Variants in DHX32 observed in about 807,000 individuals in gnomAD.
DHX32 encodes DEAH-box helicase 32 (putative).
Under a neutral mutation model 70.0 loss-of-function variants are expected in DHX32, and 51 were observed. The ratio of observed to expected loss-of-function variants is 0.73; its 90% CI spans 0.58 to 0.92. The LOEUF (loss-of-function observed/expected upper bound fraction) is 0.92, where lower values mean the gene tolerates loss of function less well. Among genes scored for constraint, DHX32 ranks in the 40% least tolerant of loss-of-function variants. The pLI, the probability that DHX32 is intolerant of heterozygous loss-of-function variation, is 0.00. For synonymous variants in DHX32, 310 were observed against 315.3 expected (o/e 0.98, Z 0.18); for missense variants, 762 against 891.8 (o/e 0.85, Z 1.85).
At chr10:125,867,205 C>A in intron 1 of DHX32, 22 bp from the exon 2 acceptor site, 1 of 1,574,174 alleles carries the variant, frequency 6.4e-7, no homozygotes, top group Non-Finnish European at 8.6e-7. Context: ...AAAAATGAGA[C>A]AGGATCAGCT....
rs1354791640 is a variant in DHX32, at chr10:125,836,386, T to G, written c.*301A>C. The G allele has an allele frequency of 9.0e-6, 14 of 1,551,642 alleles. 1 individual carries two copies. Among genetic ancestry groups the G allele is most frequent in the Middle Eastern group, 4.3e-4 (2 of 4,602 alleles). On this transcript the variant is annotated 3_prime_UTR_variant, in exon 11 of 11. Transcript: ENST00000284690. ...TCAGATTAAGTTCCTCTACAAAAAG[T>G]AGGGTTCTGTCCCATGTGTCTCTGA...
In DHX32 at chr10:125,867,193, G is replaced by C. The variant is rs527994014; in HGVS notation, c.283-10C>G. ...CACACCACTGAGGAACCTGTAGCAG[G>C]AAAAAATGAGACAGGATCAGCTTCT... On this transcript the variant is annotated splice_polypyrimidine_tract_variant and intron_variant, in intron 1 of 10. Coordinates refer to ENST00000284690, the MANE Select transcript of DHX32 (RefSeq NM_018180.3). The C allele has an allele frequency of 1.8e-5, 29 of 1,579,506 alleles. No individual in the cohort carries two copies. In the South Asian group the frequency reaches 2.3e-4, roughly 13 times the overall value.
rs1424461821 is a variant in DHX32, at chr10:125,859,755, G to C, written c.697C>G (p.Pro233Ala). Residue 233 changes from proline (P) to alanine (A), a missense_variant, in exon 3 of 11, where the codon CCT becomes GCT. Around this residue, in one of 3 missense-constraint regions of DHX32, gnomAD observed 394 missense variants for 473.1 expected, o/e 0.83. Coordinates refer to ENST00000284690, the MANE Select transcript of DHX32 (RefSeq NM_018180.3). ...SKLNSYYGNVPVIEVKNKHPV... is the reference protein window; with the variant it reads ...SKLNSYYGNVAVIEVKNKHPV... Reference sequence around the variant, plus strand: ...TGTTTATTTTTCACTTCTATGACAGGCACGTTTCCATAATAAGAATTGAGT... The same window carrying C: ...TGTTTATTTTTCACTTCTATGACAGCCACGTTTCCATAATAAGAATTGAGT... The C allele has an allele frequency of 6.2e-7, 1 of 1,614,084 alleles. No homozygotes were observed. Among genetic ancestry groups the C allele is most frequent in the South Asian group, 1.1e-5 (1 of 91,072 alleles).
chr10:125,851,929 A>C (rs1394618711), intron 6 of DHX32, among the ~76,000 whole-genome samples: 1 of 151,208 alleles, frequency 6.6e-6, no homozygotes, highest in African/African-American at 2.4e-5. Flanking sequence ...TCAAAAAAAA[A>C]AAAAAAAAAA....
intron 1 of DHX32, among the ~76,000 whole-genome samples, chr10:125,867,555 T>A (rs1372209405): frequency 6.6e-6 from 1 of 152,002 alleles, no homozygotes; most frequent in Non-Finnish European, 1.5e-5. Context: ...GCTAACATGG[T>A]GAAACCCCGT....
In DHX32 at chr10:125,860,752, A is replaced by ATTTTTTTTT. The variant is rs397747204; in HGVS notation, c.477-786_477-778dup. 2.7e-5 allele frequency among the ~76,000 whole-genome samples: 3 copies of ATTTTTTTTT among 111,794 alleles called. 1 individual carries two copies. The highest frequency in any genetic ancestry group is 1.7e-5 in the Non-Finnish European group (1 of 58,180). The allele number at this position is 111,794 out of a possible 152,430, so 73.3% of individuals were successfully genotyped here. A position where few individuals can be genotyped will look rare whatever the true frequency, so the allele number is the denominator to read the frequency against. ...ATTACTGCTTGAAGAAACCAATCCC[A>ATTTTTTTTT]TTTTTTTTTTTTTTTTTTTTTGAGA... On this transcript the variant is annotated intron_variant, in intron 2 of 10. Transcript: ENST00000284690.
upstream of DHX32, among the ~76,000 whole-genome samples, chr10:125,882,980 T>C (rs992039388): frequency 1.3e-5 from 2 of 152,222 alleles, no homozygotes; most frequent in Non-Finnish European, 2.9e-5. Flanking sequence ...ATGATTGCCT[T>C]AGGTAGTATT....
rs138740587 is a variant in DHX32, at chr10:125,875,403, G to A, written c.282+5140C>T. 2.2e-4 allele frequency among the ~76,000 whole-genome samples: 33 copies of A among 152,264 alleles called. No individual in the cohort carries two copies. In the East Asian group the frequency reaches 6.2e-3, roughly 28 times the overall value. On this transcript the variant is annotated intron_variant, in intron 1 of 10. Coordinates refer to ENST00000284690, the MANE Select transcript of DHX32 (RefSeq NM_018180.3). ...TCTTACTGAGCCAGAAAGCAAAGAAGTGCTCAATAATGGGGAAATGTCAAA... is the reference window on the plus strand; with the variant it reads ...TCTTACTGAGCCAGAAAGCAAAGAAATGCTCAATAATGGGGAAATGTCAAA...
intron 1 of DHX32, among the ~76,000 whole-genome samples, chr10:125,889,463 A>G (rs1944357423): frequency 6.6e-6 from 1 of 152,208 alleles, no homozygotes; most frequent in South Asian, 2.1e-4. Context: ...TCACTGGTCC[A>G]ACACTCCACG....
chr10:125,857,752 T>G (rs1159370649), intron 3 of DHX32, among the ~76,000 whole-genome samples: 1 of 152,188 alleles, frequency 6.6e-6, no homozygotes, highest in Admixed American at 6.5e-5. Context: ...TGTTATGAGC[T>G]TTATTTTCCA....
chr10:125,885,208 C>T (rs915522128), upstream of DHX32, among the ~76,000 whole-genome samples: 11 of 151,986 alleles, frequency 7.2e-5, no homozygotes, highest in African/African-American at 2.4e-4. Context: ...TTGAAGTTAC[C>T]CTTGATTTTT....
chr10:125,865,018 T>C (rs374262034), intron 2 of DHX32, among the ~76,000 whole-genome samples: 91 of 144,850 alleles, frequency 6.3e-4, no homozygotes, highest in African/African-American at 1.9e-3. Context: ...TCTTATAATA[T>C]CTCATTTTAA....
intron 1 of DHX32, among the ~76,000 whole-genome samples, chr10:125,877,920 C>T (rs763817860): frequency 2.6e-4 from 40 of 152,036 alleles, no homozygotes; most frequent in Non-Finnish European, 4.4e-4. Context: ...TAGATCTATT[C>T]GTAACTTCTC....
intron 1 of DHX32, among the ~76,000 whole-genome samples, chr10:125,867,503 G>A (rs1270824645): frequency 6.6e-6 from 1 of 152,262 alleles, no homozygotes; most frequent in East Asian, 1.9e-4. Context: ...TTGGGAGGCC[G>A]AGGTGGGCGG....
At position 125,861,758 on chromosome 10, in the gene DHX32, G is replaced by A. The variant is rs748261316; in HGVS notation, c.477-1783C>T. 6.9e-4 allele frequency among the ~76,000 whole-genome samples: 105 copies of A among 152,100 alleles called. 1 individual carries two copies. Among genetic ancestry groups the A allele is most frequent in the Non-Finnish European group, 3.8e-4 (26 of 68,016 alleles). ...TTGCGCCTGGGTTCCTGTAAACTTC[G>A]TCCCATCCACTATTTCCCTTTGCTG... is the stretch of plus-strand genomic sequence containing the variant. On this transcript the variant is annotated intron_variant, in intron 2 of 10. Transcript: ENST00000284690.
chr10:125,841,197 G>A, intron 7 of DHX32: 1 of 1,516,092 alleles, frequency 6.6e-7, no homozygotes, highest in Non-Finnish European at 9.1e-7. Flanking sequence ...TTGTGTGTGT[G>A]TGTTTGCTTT....
intron 1 of DHX32, among the ~76,000 whole-genome samples, chr10:125,877,926 T>C (rs1944293708): frequency 6.6e-6 from 1 of 152,180 alleles, no homozygotes. Context: ...TATTCGTAAC[T>C]TCTCTATGAG....
chr10:125,851,355 A>T (rs1944087148), intron 6 of DHX32, among the ~76,000 whole-genome samples: 1 of 152,202 alleles, frequency 6.6e-6, no homozygotes, highest in Non-Finnish European at 1.5e-5. Flanking sequence ...TATCAGCTTT[A>T]AGCCTCATGG....
At chr10:125,838,909 C>T (rs1854783404) in intron 9 of DHX32, 92 bp downstream of exon 9, 1 of 1,348,474 alleles carries the variant, frequency 7.4e-7, no homozygotes. Flanking sequence ...TACTTAATGT[C>T]AAAATCATCA....
Sources: allele counts gnomAD v4.1 joint callset (sites outside exome capture counted in the v4.1 genomes callset), GRCh38; gene constraint gnomAD v4.1.1; regional missense constraint gnomAD v4.1.1; transcripts MANE v1.5; gene names NCBI Gene and HGNC (gene_info 2026-07-23, HGNC 2026-07-21).